The following EVC2 variants were observed in gnomAD, a reference collection of about 807,000 sequenced individuals.
EVC2 encodes the protein limbin.
EVC2 carries 148 observed loss-of-function variants against 149.3 expected under a neutral mutation model. The observed-to-expected ratio is 0.99, with a 90% CI of 0.87 to 1.14. The LOEUF is 1.14. Ranked by LOEUF, EVC2 falls within the 50% of genes most tolerant of loss-of-function variation. EVC2 has a pLI of 0.00. For synonymous variants in EVC2, 776 were observed against 649.9 expected, an observed-to-expected ratio of 1.19 and a Z score of -2.95; for missense variants, 1,854 against 1,627.3, an observed-to-expected ratio of 1.14 and a Z score of -2.40.
At chr4:5,544,462 T>C (rs917624306) in intron 21 of EVC2, among the ~76,000 whole-genome samples, 3 of 152,154 alleles carry the variant, frequency 2.0e-5, no homozygotes, top group African/African-American at 7.2e-5. Flanking sequence ...TGTGGAAAGT[T>C]TGGGTACCTC....
chr4:5,695,486 G>C (rs1721417221), intron 2 of EVC2, among the ~76,000 whole-genome samples: 1 of 152,336 alleles, frequency 6.6e-6, no homozygotes, highest in East Asian at 1.9e-4. Context: ...GGGCTGTCAG[G>C]GTCCCTCTTC....
chr4:5,568,737 G>T, intron 19 of EVC2, 97 bp from the exon 20 acceptor site: 1 of 1,309,348 alleles, frequency 7.6e-7, no homozygotes, highest in Non-Finnish European at 1.1e-6. Context: ...CTGTCCTGGA[G>T]TGATAAATAT....
chr4:5,570,984 G>A (rs1179750483), intron 19 of EVC2, among the ~76,000 whole-genome samples: 2 of 152,022 alleles, frequency 1.3e-5, no homozygotes, highest in South Asian at 2.1e-4. Flanking sequence ...TGGACTTTGG[G>A]GACTCAGGGG....
downstream of EVC2, chr4:5,542,725 T>A (rs1296679648): frequency 5.7e-6 from 1 of 176,386 alleles, no homozygotes; most frequent in Admixed American, 6.0e-5. Flanking sequence ...TTGTGAGGCA[T>A]TCACGGTTAT....
chr4:5,565,251 T>G lies in EVC2; in HGVS notation c.3659+7A>C. On this transcript the variant is annotated splice_region_variant and intron_variant, in intron 21 of 21. Coordinates refer to ENST00000344408, the MANE Select transcript of EVC2 (RefSeq NM_147127.5). Reference sequence around the variant, plus strand: ...CCCCAGCCACATGAGCAGGTGCCCATCATTACCTCTGCTTTCTCTTGCGGG... The same window carrying G: ...CCCCAGCCACATGAGCAGGTGCCCAGCATTACCTCTGCTTTCTCTTGCGGG... 2.5e-6 allele frequency: 4 copies of G among 1,613,254 alleles called. No individual in the cohort carries two copies. The highest frequency in any genetic ancestry group is 3.4e-6 in the Non-Finnish European group (4 of 1,179,430).
intron 5 of EVC2, among the ~76,000 whole-genome samples, chr4:5,685,748 C>T (rs1326897396): frequency 6.6e-6 from 1 of 152,164 alleles, no homozygotes; most frequent in Non-Finnish European, 1.5e-5. Context: ...GGGGGTGCAC[C>T]ACCCGCAACA....
intron 1 of EVC2, 35 bp from the exon 2 acceptor site, chr4:5,697,682 C>T (rs1721568538): frequency 6.4e-7 from 1 of 1,570,682 alleles, no homozygotes; most frequent in African/African-American, 1.4e-5. Context: ...ATTAATGGAA[C>T]ACATACTTCT....
chr4:5,622,523 G>C lies in EVC2; in HGVS notation c.2501+14C>G, dbSNP rs768485445. On this transcript the variant is annotated intron_variant, in intron 14 of 21. Coordinates refer to ENST00000344408, the MANE Select transcript of EVC2 (RefSeq NM_147127.5). The surrounding 1 kb of genome is among the most constrained non-coding windows in gnomAD (Gnocchi z 5.8). ...GGATGGGGAGGGGTGATTACGACCCGCAAAGGCACTCACATGAAGATCAGG... is the reference window on the plus strand; with the variant it reads ...GGATGGGGAGGGGTGATTACGACCCCCAAAGGCACTCACATGAAGATCAGG... The C allele has an allele frequency of 1.9e-6, 3 of 1,612,106 alleles. No individual in the cohort carries two copies. The highest frequency in any genetic ancestry group is 1.1e-5 in the South Asian group (1 of 90,528).
chr4:5,565,293 T>C lies in EVC2; in HGVS notation c.3624A>G (p.Leu1208=). ...TCTTGCGGGCCCACAGCATCTTTTCTAATCCTCTGCTTATCAGATCTCCTC... is the reference window on the plus strand; with the variant it reads ...TCTTGCGGGCCCACAGCATCTTTTCCAATCCTCTGCTTATCAGATCTCCTC... ...KLRGDLISRG[L]EKMLWARKRK... Residue 1208 remains leucine, a synonymous_variant, in exon 21 of 22, where the codon TTA becomes TTG. Coordinates refer to ENST00000344408, the MANE Select transcript of EVC2 (RefSeq NM_147127.5). The C allele has an allele frequency of 6.2e-7, 1 of 1,614,106 alleles. No homozygotes were observed. The highest frequency in any genetic ancestry group is 8.5e-7 in the Non-Finnish European group (1 of 1,180,022).
rs548113819 is a variant in EVC2 at position 5,637,134 on chromosome 4, C to T, written c.1470+3380G>A. ...CCTGAGGAGGAGAGGGACTGCGTGA[C>T]AGATGGGAGTAGGGCACCGACCCAG... is the stretch of plus-strand genomic sequence containing the variant. On this transcript the variant is annotated intron_variant, in intron 10 of 21. Coordinates refer to ENST00000344408, the MANE Select transcript of EVC2 (RefSeq NM_147127.5). The surrounding 1 kb of genome is among the most constrained non-coding windows in gnomAD (Gnocchi z 4.4). Among the ~76,000 whole-genome samples the T allele has an allele frequency of 6.6e-5, 10 of 152,278 alleles. No individual in the cohort carries two copies. The highest frequency in any genetic ancestry group is 2.4e-4 in the African/African-American group (10 of 41,548).
intron 17 of EVC2, among the ~76,000 whole-genome samples, chr4:5,580,525 G>C (rs1297254134): frequency 1.3e-5 from 2 of 152,224 alleles, no homozygotes; most frequent in Non-Finnish European, 2.9e-5. Flanking sequence ...GCTGTACTGA[G>C]GGTGTTTCTT....
Position 5,567,627 on chromosome 4 carries a change from G to T in EVC2, c.3557+817C>A, listed in dbSNP as rs2108769730. 6.6e-6 allele frequency among the ~76,000 whole-genome samples: 1 copy of T among 151,910 alleles called. No individual in the cohort carries two copies. The highest frequency in any genetic ancestry group is 1.5e-5 in the Non-Finnish European group (1 of 67,952). ...CCCGCCTTACTCCACACCCCTTCCT[G>T]CCTTTCCCCATAAAAAGCCTTTAAT... On this transcript the variant is annotated intron_variant, in intron 20 of 21. Coordinates refer to ENST00000344408, the MANE Select transcript of EVC2 (RefSeq NM_147127.5). This position sits in a 1 kb window ranked among gnomAD's most constrained non-coding sequence, Gnocchi z 4.4.
At chr4:5,565,717 C>A (rs1434763325) in intron 20 of EVC2, among the ~76,000 whole-genome samples, 1 of 151,750 alleles carries the variant, frequency 6.6e-6, no homozygotes, top group Non-Finnish European at 1.5e-5. Context: ...GATGAGTAAT[C>A]CTACCCATCT....
At position 5,670,257 on chromosome 4, in the gene EVC2, C is replaced by T. The variant is rs1304795414; in HGVS notation, c.871-4608G>A. On this transcript the variant is annotated intron_variant, in intron 7 of 21. Coordinates refer to ENST00000344408, the MANE Select transcript of EVC2 (RefSeq NM_147127.5). This position sits in a 1 kb window ranked among gnomAD's most constrained non-coding sequence, Gnocchi z 5.2. The stretch of plus-strand genomic sequence containing the variant: ...TCCCCATCATAACTATCTTTACCAT[C>T]ACCATCATGATCAACATCTTCATTA... 1.3e-5 allele frequency among the ~76,000 whole-genome samples: 2 copies of T among 152,138 alleles called. No homozygotes were observed. Among genetic ancestry groups the T allele is most frequent in the Non-Finnish European group, 2.9e-5 (2 of 68,024 alleles).
intron 16 of EVC2, among the ~76,000 whole-genome samples, chr4:5,598,751 A>G (rs990327831): frequency 1.2e-4 from 19 of 152,146 alleles, no homozygotes; most frequent in East Asian, 1.2e-3. Context: ...CTTCTGCACA[A>G]CAAAAGAAAC....
chr4:5,581,209 G>A (rs941908276), intron 17 of EVC2, among the ~76,000 whole-genome samples: 13 of 152,202 alleles, frequency 8.5e-5, no homozygotes, highest in Non-Finnish European at 1.6e-4. Flanking sequence ...TGGTACTGAG[G>A]AGTGGACATT....
Position 5,562,843 on chromosome 4 carries a change from T to A in EVC2, c.*5A>T. On this transcript the variant is annotated 3_prime_UTR_variant, in exon 22 of 22. Coordinates refer to ENST00000344408, the MANE Select transcript of EVC2 (RefSeq NM_147127.5). The surrounding 1 kb of genome is among the most constrained non-coding windows in gnomAD (Gnocchi z 4.3). ...TCAGATGCTCCCGCAGGTCTTTCCCTTGGGCTAGTCCATGCCCAAGGCCCT... is the reference window on the plus strand; with the variant it reads ...TCAGATGCTCCCGCAGGTCTTTCCCATGGGCTAGTCCATGCCCAAGGCCCT... The A allele has an allele frequency of 1.2e-6, 2 of 1,613,796 alleles. No homozygotes were observed. The highest frequency in any genetic ancestry group is 1.7e-6 in the Non-Finnish European group (2 of 1,180,036).
rs77083786 is a variant in EVC2 at position 5,674,853 on chromosome 4, G to A, written c.870+6407C>T. On this transcript the variant is annotated intron_variant, in intron 7 of 21. Coordinates refer to ENST00000344408, the MANE Select transcript of EVC2 (RefSeq NM_147127.5). ...GGGCTGGGTAGGGAGTAAAACTGGAGGCAGAAAGGATAGGATGCTGGGGCA... is the reference window on the plus strand; with the variant it reads ...GGGCTGGGTAGGGAGTAAAACTGGAAGCAGAAAGGATAGGATGCTGGGGCA... Among the ~76,000 whole-genome samples, 81 of 152,306 alleles carry A rather than the reference G, an allele frequency of 5.3e-4. No individual in the cohort carries two copies. The East Asian group carries it at 0.014, about 26-fold the overall frequency.
intron 21 of EVC2, among the ~76,000 whole-genome samples, chr4:5,557,319 A>G (rs1395528890): frequency 6.6e-6 from 1 of 152,188 alleles, no homozygotes; most frequent in Admixed American, 6.5e-5. Flanking sequence ...TAAAGAAAAA[A>G]TCCTATCAAT....
Sources: gnomAD v4.1 joint callset for allele counts (sites outside exome capture counted in the v4.1 genomes callset) on GRCh38, gnomAD v4.1.1 for gene constraint, Gnocchi (gnomAD v3.1) non-coding constraint, MANE v1.5 for transcripts, NCBI Gene and HGNC (gene_info 2026-07-23, HGNC 2026-07-21) for gene names.